Variants in DAB1 observed in about 807,000 individuals in gnomAD.
DAB1 encodes DAB adaptor protein 1, also known as disabled homolog 1.
Under a neutral mutation model 64.6 loss-of-function variants are expected in DAB1, and 15 were observed. The observed-to-expected ratio is 0.23, with a 90% CI of 0.16 to 0.36. DAB1 has a LOEUF of 0.36. Ranked by LOEUF, DAB1 falls within the 10% of genes least tolerant of loss-of-function variation. The pLI, the probability that DAB1 is intolerant of heterozygous loss-of-function variation, is 1.00. For synonymous variants in DAB1, 235 were observed against 251.9 expected (o/e 0.93, Z 0.64); for missense variants, 596 against 706.7 (o/e 0.84, Z 1.78).
At chr1:58,312,094 T>C (rs1259867680) in intron 4 of DAB1, among the ~76,000 whole-genome samples, 2 of 152,114 alleles carry the variant, frequency 1.3e-5, no homozygotes, top group Admixed American at 6.6e-5. Context: ...TTCCCTGTTG[T>C]CACTGGCTGA....
intron 7 of DAB1, among the ~76,000 whole-genome samples, chr1:57,532,702 T>C (rs1331993118): frequency 6.6e-6 from 1 of 152,230 alleles, no homozygotes; most frequent in Non-Finnish European, 1.5e-5. Flanking sequence ...CAAATAGCTC[T>C]TGCTGAAATG....
At chr1:58,498,631 G>A (rs992577744) in intron 3 of DAB1, among the ~76,000 whole-genome samples, 1 of 152,086 alleles carries the variant, frequency 6.6e-6, no homozygotes, top group African/African-American at 2.4e-5. Flanking sequence ...ACTCTATAAA[G>A]GAAATCTCTA....
intron 1 of DAB1, among the ~76,000 whole-genome samples, chr1:57,838,675 T>C (rs1222772710): frequency 2.0e-5 from 3 of 152,080 alleles, no homozygotes; most frequent in Non-Finnish European, 4.4e-5. Context: ...ACACTTCATC[T>C]CTCTGTGTCT....
At position 58,253,124 on chromosome 1, in the gene DAB1, C is replaced by A. The variant is rs560356264; in HGVS notation, n.309+90228G>T. On this transcript the variant is annotated intron_variant and non_coding_transcript_variant, in intron 4 of 20. Coordinates refer to the DAB1 transcript ENST00000485760. ...GAATGTGAGATCTGACTTCGAACCTCTCCTGTCATTTATTGTGTTTTCTAA... is the reference window on the plus strand; with the variant it reads ...GAATGTGAGATCTGACTTCGAACCTATCCTGTCATTTATTGTGTTTTCTAA... Among the ~76,000 whole-genome samples the A allele has an allele frequency of 3.9e-5, 6 of 152,232 alleles. No homozygotes were observed. The South Asian group carries it at 1.2e-3, about 32-fold the overall frequency.
intron 2 of DAB1, among the ~76,000 whole-genome samples, chr1:57,153,890 C>T (rs550051633): frequency 7.9e-5 from 12 of 152,254 alleles, no homozygotes; most frequent in East Asian, 7.7e-4. Context: ...CCACCTGCCT[C>T]GGCCTTCCAA....
At chr1:57,347,872 A>T (rs1359138304) in intron 1 of DAB1, among the ~76,000 whole-genome samples, 1 of 152,118 alleles carries the variant, frequency 6.6e-6, no homozygotes, top group Non-Finnish European at 1.5e-5. Flanking sequence ...TAGGCAAGAG[A>T]TGTCAGGTAA....
intron 2 of DAB1, among the ~76,000 whole-genome samples, chr1:57,281,471 A>G (rs897741463): frequency 2.0e-5 from 3 of 152,238 alleles, no homozygotes; most frequent in African/African-American, 7.2e-5. Flanking sequence ...TGGTAGGGTC[A>G]GGGAACTGCA....
chr1:57,902,156 C>CA (rs60082541), intron 5 of DAB1, among the ~76,000 whole-genome samples: 35,677 of 114,126 alleles, frequency 0.31, 5,195 homozygotes, highest in Non-Finnish European at 0.36. Context: ...GATCTTGTCT[C>CA]AAAAAAAAAA....
intron 2 of DAB1, among the ~76,000 whole-genome samples, chr1:57,253,028 C>T (rs1669470178): frequency 6.6e-6 from 1 of 152,170 alleles, no homozygotes; most frequent in Admixed American, 6.5e-5. Flanking sequence ...AGGAAGTTGG[C>T]ATCGCTCTTT....
intron 7 of DAB1, among the ~76,000 whole-genome samples, chr1:57,433,778 A>T (rs1685595194): frequency 6.6e-6 from 1 of 152,006 alleles, no homozygotes; most frequent in South Asian, 2.1e-4. Context: ...AATCCAAAAA[A>T]ATAAAGAAAT....
At chr1:57,714,850 G>C (rs910507350) in intron 6 of DAB1, among the ~76,000 whole-genome samples, 4 of 152,132 alleles carry the variant, frequency 2.6e-5, no homozygotes, top group African/African-American at 9.7e-5. Flanking sequence ...GGTATGATTG[G>C]GAAAAGGTGT....
At chr1:58,224,111 A>T (rs970778178) in intron 4 of DAB1, among the ~76,000 whole-genome samples, 3 of 152,224 alleles carry the variant, frequency 2.0e-5, no homozygotes, top group Non-Finnish European at 4.4e-5. Flanking sequence ...GTATGAGGCA[A>T]CAAGCCTAGA....
At chr1:57,468,031 G>A (rs1167205080) in intron 7 of DAB1, among the ~76,000 whole-genome samples, 2 of 152,200 alleles carry the variant, frequency 1.3e-5, no homozygotes, top group African/African-American at 4.8e-5. Context: ...GTCCCTGGCT[G>A]TCTCCCCTGG....
At chr1:58,376,013 G>A (rs1004426106) in intron 3 of DAB1, among the ~76,000 whole-genome samples, 4 of 150,814 alleles carry the variant, frequency 2.7e-5, no homozygotes, top group African/African-American at 9.7e-5. Context: ...GTATTTCTGT[G>A]GGATCGGTGG....
chr1:57,008,229 C>A (rs530421523), intron 14 of DAB1, among the ~76,000 whole-genome samples: 3 of 152,278 alleles, frequency 2.0e-5, no homozygotes, highest in South Asian at 4.1e-4. Flanking sequence ...GTGGGGCAAG[C>A]CAGAGAGCTA....
intron 4 of DAB1, among the ~76,000 whole-genome samples, chr1:58,181,342 A>G (rs1235036365): frequency 6.6e-6 from 1 of 152,090 alleles, no homozygotes; most frequent in Non-Finnish European, 1.5e-5. Context: ...CTCAATCTAA[A>G]ATATGTGTTT....
chr1:57,891,040 T>C (rs1644305449), intron 5 of DAB1, among the ~76,000 whole-genome samples: 1 of 152,182 alleles, frequency 6.6e-6, no homozygotes, highest in Non-Finnish European at 1.5e-5. Context: ...AAAGAGCTTC[T>C]GCACAGTAAA....
chr1:57,978,490 G>C (rs1431262248), intron 5 of DAB1, among the ~76,000 whole-genome samples: 2 of 152,068 alleles, frequency 1.3e-5, no homozygotes, highest in Non-Finnish European at 2.9e-5. Context: ...CAATACCATT[G>C]AGGACACAGG....
intron 7 of DAB1, among the ~76,000 whole-genome samples, chr1:57,479,154 A>G (rs560522957): frequency 6.6e-6 from 1 of 152,290 alleles, no homozygotes; most frequent in South Asian, 2.1e-4. Flanking sequence ...GATAAAATAA[A>G]TAAGCTGCCT....
Sources: allele counts gnomAD v4.1 joint callset (sites outside exome capture counted in the v4.1 genomes callset), GRCh38; gene constraint gnomAD v4.1.1; transcripts MANE v1.5; gene names NCBI Gene and HGNC (gene_info 2026-07-23, HGNC 2026-07-21).